The following KANK1 variants were observed in gnomAD, a reference collection of about 807,000 sequenced individuals.
The protein encoded by KANK1 is KN motif and ankyrin repeat domain-containing protein 1.
In KANK1, 109 loss-of-function variants were observed where a neutral mutation model predicts 106.2. That is an observed-to-expected ratio of 1.03 (90% CI 0.88 to 1.20). KANK1 has a LOEUF of 1.20. Ranked by LOEUF, KANK1 falls within the 50% of genes most tolerant of loss-of-function variation. KANK1 has a pLI of 0.00. For missense variants in KANK1, 2,399 were observed against 1,710.7 expected (o/e 1.40, Z -7.10); for synonymous variants, 873 against 652.2 (o/e 1.34, Z -5.16).
At position 732,632 on chromosome 9, in the gene KANK1, C is replaced by T. The variant is rs146417693; in HGVS notation, c.3245+15C>T. 7 of 1,608,476 alleles carry T rather than the reference C, an allele frequency of 4.4e-6. No individual in the cohort carries two copies. In the African/African-American group the frequency reaches 8.0e-5, roughly 18 times the overall value. On this transcript the variant is annotated intron_variant, in intron 6 of 11. Transcript: ENST00000382297. ...ATCAGAGAGAGGTGTGGTACATTCC[C>T]CTTCCCTCCCTTGCCCCTCCCACAT...
chr9:635,144 T>C (rs1836781326), intron 1 of KANK1, among the ~76,000 whole-genome samples: 1 of 152,190 alleles, frequency 6.6e-6, no homozygotes, highest in South Asian at 2.1e-4. Context: ...CCACCAGGAC[T>C]ACAGGGCTTC....
chr9:701,401 A>G (rs886203041), intron 2 of KANK1, among the ~76,000 whole-genome samples: 18 of 152,156 alleles, frequency 1.2e-4, no homozygotes, highest in African/African-American at 2.4e-4. Flanking sequence ...TCCGCGCCCA[A>G]TGGAAGAATA....
At chr9:522,394 G>C (rs1284743428) in intron 1 of KANK1, among the ~76,000 whole-genome samples, 1 of 151,622 alleles carries the variant, frequency 6.6e-6, no homozygotes, top group Non-Finnish European at 1.5e-5. Context: ...CACACAGCTG[G>C]ATAGCACTCC....
At chr9:652,215 A>G (rs1307039815) in intron 1 of KANK1, among the ~76,000 whole-genome samples, 2 of 152,278 alleles carry the variant, frequency 1.3e-5, no homozygotes, top group African/African-American at 4.8e-5. Flanking sequence ...GTAGAAGTAC[A>G]TTCATCAGAG....
chr9:529,131 A>G (rs899572887), intron 1 of KANK1, among the ~76,000 whole-genome samples: 9 of 151,288 alleles, frequency 5.9e-5, no homozygotes, highest in Non-Finnish European at 1.2e-4. Flanking sequence ...TAAAAGGTGT[A>G]TAGTGAAAAG....
At chr9:527,945 C>T (rs896115892) in intron 1 of KANK1, among the ~76,000 whole-genome samples, 1 of 151,940 alleles carries the variant, frequency 6.6e-6, no homozygotes, top group Admixed American at 6.5e-5. Context: ...TCCTGGCCAA[C>T]ATGGTGAAAC....
rs775146697 is a variant in KANK1, at chr9:712,997, G to T, written c.2231G>T (p.Gly744Val). The change falls in exon 3 of 12, where the codon GGC becomes GTC. Residue 744 changes from glycine (G) to valine (V), a missense_variant. Transcript: ENST00000382297. ...ATTGGTGTTGGAACGTTGCTTTCTGGCCATTCTGGGTTTGACAGGCCATCA... is the reference window on the plus strand; with the variant it reads ...ATTGGTGTTGGAACGTTGCTTTCTGTCCATTCTGGGTTTGACAGGCCATCA... Reference protein sequence around the residue: ...RSIGVGTLLSGHSGFDRPSAV... With the variant: ...RSIGVGTLLSVHSGFDRPSAV... 1.2e-6 allele frequency: 2 copies of T among 1,614,178 alleles called. No individual in the cohort carries two copies. The highest frequency in any genetic ancestry group is 1.7e-6 in the Non-Finnish European group (2 of 1,180,022).
chr9:712,451 C>T lies in KANK1; in HGVS notation c.1685C>T (p.Pro562Leu). ...GAATGTAAGAATAAAGTCGTAGGGC[C>T]TGAGCTGCCTATGAATTGGTGGATT... Reference protein sequence around the residue: ...QPECKNKVVGPELPMNWWIVK... With the variant: ...QPECKNKVVGLELPMNWWIVK... The change falls in exon 3 of 12, where the codon CCT (proline) becomes CTT (leucine). Residue 562 changes from proline (P) to leucine (L), a missense_variant. By Grantham distance (98) the Pro-to-Leu change is moderately conservative. Coordinates refer to ENST00000382297, the MANE Select transcript of KANK1 (RefSeq NM_015158.5). 6.2e-7 allele frequency: 1 copy of T among 1,614,142 alleles called. No homozygotes were observed. Among genetic ancestry groups the T allele is most frequent in the South Asian group, 1.1e-5 (1 of 91,084 alleles).
intron 1 of KANK1, among the ~76,000 whole-genome samples, chr9:562,440 C>A (rs979577635): frequency 1.3e-5 from 2 of 152,186 alleles, no homozygotes; most frequent in South Asian, 4.1e-4. Context: ...TGCTCTAGAT[C>A]ATGTTCCCAG....
intron 1 of KANK1, among the ~76,000 whole-genome samples, chr9:622,351 A>T (rs1161045184): frequency 6.6e-6 from 1 of 152,170 alleles, no homozygotes; most frequent in African/African-American, 2.4e-5. Flanking sequence ...TAAATAAGTC[A>T]TGGTCACTGC....
At chr9:654,685 T>C (rs1003101439) in intron 1 of KANK1, among the ~76,000 whole-genome samples, 4 of 152,144 alleles carry the variant, frequency 2.6e-5, no homozygotes, top group African/African-American at 9.7e-5. Context: ...ACATAAATAT[T>C]TTTGTTTCAG....
At chr9:566,042 G>C (rs1309667918) in intron 1 of KANK1, among the ~76,000 whole-genome samples, 1 of 152,146 alleles carries the variant, frequency 6.6e-6, no homozygotes, top group Non-Finnish European at 1.5e-5. Flanking sequence ...TTAGGCTGCA[G>C]TGTCTGTTGT....
intron 1 of KANK1, among the ~76,000 whole-genome samples, chr9:662,211 T>C (rs926703450): frequency 4.6e-5 from 7 of 152,166 alleles, no homozygotes; most frequent in Admixed American, 4.6e-4. Flanking sequence ...TCCATGCTTA[T>C]GAATAGGAAG....
At chr9:598,210 A>G (rs147070936) in intron 1 of KANK1, among the ~76,000 whole-genome samples, 6 of 151,494 alleles carry the variant, frequency 4.0e-5, no homozygotes, top group East Asian at 3.9e-4. Context: ...TCTTTTTTCT[A>G]TTGGTCCATA....
At chr9:640,821 C>T (rs1361212319) in intron 1 of KANK1, among the ~76,000 whole-genome samples, 1 of 151,750 alleles carries the variant, frequency 6.6e-6, no homozygotes, top group African/African-American at 2.4e-5. Flanking sequence ...CTTGGCCTCC[C>T]GAGTAGCTGG....
At position 711,538 on chromosome 9, in the gene KANK1, A is replaced by G. The variant is rs773743129; in HGVS notation, c.772A>G (p.Met258Val). ...CACCCCAGTGACCAACGTGAGCCCC[A>G]TGCACCTGCAGCACATCCGCGAGCA... ...ISTPVTNVSP[M>V]HLQHIREQMA... Residue 258 changes from methionine to valine, a missense_variant, in exon 3 of 12, where the codon ATG becomes GTG. By Grantham distance (21) the Met-to-Val change is conservative. Coordinates refer to ENST00000382297, the MANE Select transcript of KANK1 (RefSeq NM_015158.5). 18 of 1,613,742 alleles carry G rather than the reference A, an allele frequency of 1.1e-5. No individual in the cohort carries two copies. The South Asian group carries it at 1.3e-4, about 12-fold the overall frequency.
chr9:579,484 C>T (rs1821464663), intron 1 of KANK1, among the ~76,000 whole-genome samples: 1 of 152,168 alleles, frequency 6.6e-6, no homozygotes, highest in Non-Finnish European at 1.5e-5. Context: ...CACCTTTCTG[C>T]ACTCCAGCTC....
chr9:635,845 C>G lies in KANK1; in HGVS notation c.-83-41045C>G, dbSNP rs1321829006. On this transcript the variant is annotated intron_variant, in intron 1 of 11. Transcript: ENST00000382297. ...TCCCGAGTAGCTGGCGGTACAGGTG[C>G]ACACCACTTTAGTAGAGACAGGTTT... 3.3e-5 allele frequency among the ~76,000 whole-genome samples: 5 copies of G among 151,884 alleles called. No homozygotes were observed. The East Asian group carries it at 9.7e-4, about 29-fold the overall frequency.
chr9:722,077 TGA>T (rs1252209505), intron 3 of KANK1, among the ~76,000 whole-genome samples: 2 of 152,230 alleles, frequency 1.3e-5, no homozygotes, highest in Non-Finnish European at 2.9e-5. Context: ...GTCTTACTTC[TGA>T]CCTCCAAGCT....
Sources: allele counts gnomAD v4.1 joint callset (sites outside exome capture counted in the v4.1 genomes callset), GRCh38; gene constraint gnomAD v4.1.1; transcripts MANE v1.5; gene names NCBI Gene and HGNC (gene_info 2026-07-23, HGNC 2026-07-21).